The following MARCHF1 variants were observed in gnomAD, a reference collection of about 807,000 sequenced individuals.
MARCHF1 encodes E3 ubiquitin-protein ligase MARCHF1.
MARCHF1 carries 40 observed loss-of-function variants against 54.2 expected under a neutral mutation model. The observed-to-expected ratio is 0.74, with a 90% CI of 0.57 to 0.96. The LOEUF is 0.96. Among genes scored for constraint, MARCHF1 ranks in the 40% least tolerant of loss-of-function variants. The pLI is 0.00. For synonymous variants in MARCHF1, 236 were observed against 236.3 expected, an observed-to-expected ratio of 1.00 and a Z score of 0.01; for missense variants, 586 against 656.5, an observed-to-expected ratio of 0.89 and a Z score of 1.17.
At chr4:163,603,744 T>C (rs1051741501) in intron 7 of MARCHF1, among the ~76,000 whole-genome samples, 2 of 152,084 alleles carry the variant, frequency 1.3e-5, no homozygotes, top group African/African-American at 4.8e-5. Context: ...TTTATCATTT[T>C]TCTCTTTTAC....
At chr4:164,190,288 G>T in intron 1 of MARCHF1, 2 of 801,122 alleles carry the variant, frequency 2.5e-6, no homozygotes, top group East Asian at 4.9e-5. Flanking sequence ...GGAAGTGCAA[G>T]CCCTCTCCCA....
At chr4:164,038,022 T>C (rs1382581110) in intron 2 of MARCHF1, among the ~76,000 whole-genome samples, 2 of 152,112 alleles carry the variant, frequency 1.3e-5, no homozygotes, top group Non-Finnish European at 1.5e-5. Context: ...AACTGCACCA[T>C]GAGGGAGCTT....
chr4:163,796,059 A>G (rs1290616849), intron 4 of MARCHF1, among the ~76,000 whole-genome samples: 5 of 152,004 alleles, frequency 3.3e-5, no homozygotes, highest in Non-Finnish European at 7.4e-5. Flanking sequence ...GAAGAGGAGG[A>G]GCAAAAAGAG....
At chr4:164,146,792 G>A (rs554203980) in intron 1 of MARCHF1, among the ~76,000 whole-genome samples, 237 of 152,190 alleles carry the variant, frequency 1.6e-3, no homozygotes, top group African/African-American at 5.2e-3. Context: ...AACACCAAAA[G>A]CAATGGCAAC....
At chr4:164,292,881 G>T (rs531805060) in intron 1 of MARCHF1, among the ~76,000 whole-genome samples, 26 of 152,028 alleles carry the variant, frequency 1.7e-4, no homozygotes, top group African/African-American at 4.6e-4. Context: ...TTCCCTACAG[G>T]TTGGTATATC....
intron 4 of MARCHF1, among the ~76,000 whole-genome samples, chr4:163,843,051 C>T (rs1354037674): frequency 3.3e-5 from 5 of 151,996 alleles, no homozygotes; most frequent in Admixed American, 2.6e-4. Context: ...GTGTTTATTG[C>T]TTCCCCTCTT....
intron 4 of MARCHF1, among the ~76,000 whole-genome samples, chr4:163,727,597 A>G (rs1434785651): frequency 2.1e-5 from 3 of 144,708 alleles, no homozygotes; most frequent in Non-Finnish European, 4.6e-5. Flanking sequence ...GAGCCAACGC[A>G]CCTGGCCCTA....
intron 3 of MARCHF1, among the ~76,000 whole-genome samples, chr4:163,970,888 C>A (rs180912122): frequency 2.6e-4 from 39 of 152,304 alleles, no homozygotes; most frequent in African/African-American, 9.4e-4. Flanking sequence ...TCTTCACCTA[C>A]CTTGGTGGCC....
At chr4:163,582,258 T>A (rs1295375998) in intron 8 of MARCHF1, among the ~76,000 whole-genome samples, 1 of 152,200 alleles carries the variant, frequency 6.6e-6, no homozygotes, top group African/African-American at 2.4e-5. Flanking sequence ...CTTGGTTAAC[T>A]TAGCAGATTA....
At chr4:164,354,286 C>A (rs558864798) in intron 1 of MARCHF1, among the ~76,000 whole-genome samples, 3 of 130,066 alleles carry the variant, frequency 2.3e-5, no homozygotes, top group African/African-American at 8.4e-5. Context: ...ATTCTGATAC[C>A]AAAGCCGGGC....
intron 1 of MARCHF1, among the ~76,000 whole-genome samples, chr4:164,362,647 C>T (rs7698399): frequency 0.52 from 78,922 of 151,936 alleles, 21,311 homozygotes; most frequent in East Asian, 0.65. Context: ...CTAGTTAAAA[C>T]TTAAATAGTG....
At chr4:164,108,616 A>C (rs1051040366) in intron 2 of MARCHF1, among the ~76,000 whole-genome samples, 8 of 152,116 alleles carry the variant, frequency 5.3e-5, no homozygotes, top group Admixed American at 4.6e-4. Flanking sequence ...TGGCACTTCT[A>C]TTCCTCACAG....
chr4:164,307,001 C>T (rs1371485216), intron 1 of MARCHF1, among the ~76,000 whole-genome samples: 2 of 152,106 alleles, frequency 1.3e-5, no homozygotes, highest in East Asian at 1.9e-4. Flanking sequence ...ATTTTCTTCT[C>T]ATTTTTTAGC....
intron 2 of MARCHF1, among the ~76,000 whole-genome samples, chr4:164,054,223 A>T (rs1484791706): frequency 6.6e-6 from 1 of 151,984 alleles, no homozygotes; most frequent in African/African-American, 2.4e-5. Flanking sequence ...AACCACAGTG[A>T]GATACCATCT....
intron 3 of MARCHF1, among the ~76,000 whole-genome samples, chr4:163,894,566 T>TATATATATGC (rs1560807551): frequency 1.3e-5 from 1 of 76,626 alleles, no homozygotes. Context: ...CATGCATATA[T>TATATATATGC]ATATATGCAT....
At chr4:164,300,759 T>C (rs1003383843) in intron 1 of MARCHF1, among the ~76,000 whole-genome samples, 6 of 152,312 alleles carry the variant, frequency 3.9e-5, no homozygotes, top group Non-Finnish European at 8.8e-5. Context: ...CAGGCTGGTT[T>C]GGAATGCCTG....
rs1560959809 is a variant in MARCHF1, at chr4:164,220,592, T to TAATATATATGCTATATATGC, written c.-322-108931_-322-108930insGCATATATAGCATATATATT. 9.7e-3 allele frequency among the ~76,000 whole-genome samples: 1,150 copies of TAATATATATGCTATATATGC among 119,102 alleles called. 9 individuals are homozygous for TAATATATATGCTATATATGC. The highest frequency in any genetic ancestry group is 0.035 in the African/African-American group (1,097 of 31,588). The allele number at this position is 119,102 out of a possible 152,430, so 78.1% of individuals were successfully genotyped here. A position where few individuals can be genotyped will look rare whatever the true frequency, so the allele number is the denominator to read the frequency against. On this transcript the variant is annotated intron_variant, in intron 1 of 9. Coordinates refer to ENST00000514618, the MANE Select transcript of MARCHF1 (RefSeq NM_001394959.1). ...ATATATGTAATACATATGATATATG[T>TAATATATATGCTATATATGC]ATATATGTAATATATATGCTATATA...
chr4:164,349,475 A>C (rs1730214604), intron 1 of MARCHF1, among the ~76,000 whole-genome samples: 2 of 152,192 alleles, frequency 1.3e-5, no homozygotes, highest in African/African-American at 4.8e-5. Flanking sequence ...ATCAATCTTT[A>C]TATAAGAAAG....
At position 164,301,048 on chromosome 4, in the gene MARCHF1, CTATT is replaced by C. The variant is rs986244397; in HGVS notation, c.-323+82818_-323+82821del. ...CTAGCATAAGATCTTCGGAAAGATG[CTATT>C]TTTTTTAAAGACACTATAAATTAAG... On this transcript the variant is annotated intron_variant, in intron 1 of 9. Coordinates refer to ENST00000514618, the MANE Select transcript of MARCHF1 (RefSeq NM_001394959.1). Among the ~76,000 whole-genome samples the C allele has an allele frequency of 4.6e-4, 70 of 152,102 alleles. 1 individual carries two copies. Among genetic ancestry groups the C allele is most frequent in the African/African-American group, 1.6e-3 (66 of 41,506 alleles).
Sources: allele counts gnomAD v4.1 joint callset (sites outside exome capture counted in the v4.1 genomes callset), GRCh38; gene constraint gnomAD v4.1.1; transcripts MANE v1.5; gene names NCBI Gene and HGNC (gene_info 2026-07-23, HGNC 2026-07-21).